The following CPNE8 variants were observed in gnomAD, a reference collection of about 807,000 sequenced individuals.
CPNE8 encodes copine-8.
A neutral mutation model predicts 81.5 loss-of-function variants in CPNE8; 45 were observed. That is an observed-to-expected ratio of 0.55 (90% CI 0.44 to 0.71). The LOEUF is 0.71. Ranked by LOEUF, CPNE8 falls within the 30% of genes least tolerant of loss-of-function variation. The pLI, the probability that CPNE8 is intolerant of heterozygous loss-of-function variation, is 0.00. For missense variants in CPNE8, 594 were observed against 672.1 expected (o/e 0.88, Z 1.28); for synonymous variants, 252 against 226.3 (o/e 1.11, Z -1.02).
intron 8 of CPNE8, among the ~76,000 whole-genome samples, chr12:38,766,910 T>A (rs903065961): frequency 6.6e-6 from 1 of 152,142 alleles, no homozygotes; most frequent in Non-Finnish European, 1.5e-5. Context: ...CTATGATTAC[T>A]ACCCCATTTT....
At chr12:38,808,962 A>C (rs1942879630) in intron 6 of CPNE8, among the ~76,000 whole-genome samples, 1 of 149,954 alleles carries the variant, frequency 6.7e-6, no homozygotes, top group Non-Finnish European at 1.5e-5. Flanking sequence ...ATTGACAAAA[A>C]TTTAAGTCTG....
intron 13 of CPNE8, among the ~76,000 whole-genome samples, chr12:38,710,555 G>A (rs1349859574): frequency 1.3e-5 from 2 of 152,156 alleles, no homozygotes; most frequent in Non-Finnish European, 2.9e-5. Flanking sequence ...AAACTCTCAA[G>A]TACTTGCACA....
At chr12:38,720,066 A>G (rs1455922477) in intron 13 of CPNE8, among the ~76,000 whole-genome samples, 5 of 152,092 alleles carry the variant, frequency 3.3e-5, no homozygotes, top group African/African-American at 1.2e-4. Context: ...GCTCACTGCA[A>G]GCTCCACCTC....
chr12:38,903,902 CATG>C (rs1234611318), intron 1 of CPNE8, among the ~76,000 whole-genome samples: 1 of 152,142 alleles, frequency 6.6e-6, no homozygotes, highest in Non-Finnish European at 1.5e-5. Flanking sequence ...TCATTATCAG[CATG>C]ATTATTTCCA....
chr12:38,897,008 A>G (rs1011511662), intron 1 of CPNE8, among the ~76,000 whole-genome samples: 1 of 152,088 alleles, frequency 6.6e-6, no homozygotes, highest in Non-Finnish European at 1.5e-5. Context: ...ACAACCTTGA[A>G]ATTTTGGTTT....
At chr12:38,756,105 T>G (rs1205341429) in intron 10 of CPNE8, among the ~76,000 whole-genome samples, 2 of 151,604 alleles carry the variant, frequency 1.3e-5, no homozygotes, top group African/African-American at 4.8e-5. Context: ...AGATACCTAA[T>G]TTAATGTCAA....
At chr12:38,767,910 A>T (rs533365315) in intron 7 of CPNE8, among the ~76,000 whole-genome samples, 172 bp from the exon 8 acceptor site, 3 of 152,198 alleles carry the variant, frequency 2.0e-5, no homozygotes, top group African/African-American at 7.2e-5. Flanking sequence ...ATATGACTTT[A>T]AAAATTTTGC....
In CPNE8 at chr12:38,809,676, A is replaced by T. The variant is rs76441009; in HGVS notation, c.407+19703T>A. ...TCACTCCCTGCCCAGGTCCCTGAAG[A>T]TCTCATCACATTATAACACAAATTC... On this transcript the variant is annotated intron_variant, in intron 6 of 19. Coordinates refer to ENST00000331366, the MANE Select transcript of CPNE8 (RefSeq NM_153634.3). Among the ~76,000 whole-genome samples, 24 of 152,264 alleles carry T rather than the reference A, an allele frequency of 1.6e-4. No individual in the cohort carries two copies. In the East Asian group the frequency reaches 4.6e-3, roughly 29 times the overall value.
At chr12:38,700,646 C>T (rs913806080) in intron 14 of CPNE8, among the ~76,000 whole-genome samples, 17 of 152,064 alleles carry the variant, frequency 1.1e-4, no homozygotes, top group Non-Finnish European at 1.2e-4. Context: ...TTTCTTCTAT[C>T]GACAGGGTGT....
intron 13 of CPNE8, among the ~76,000 whole-genome samples, chr12:38,711,154 T>C (rs1940246183): frequency 1.3e-5 from 2 of 152,218 alleles, no homozygotes; most frequent in Non-Finnish European, 2.9e-5. Flanking sequence ...TTTAAAGTTG[T>C]TTTCCTACTA....
rs1278382891 is a variant in CPNE8 at position 38,704,700 on chromosome 12, C to A, written c.915-1779G>T. On this transcript the variant is annotated intron_variant, in intron 13 of 19. Transcript: ENST00000331366. ...GCTGATTGGGAGCTGTGGCCACCGT[C>A]CAGCATCAGAAGAGAGTATCATGCT... Among the ~76,000 whole-genome samples the A allele has an allele frequency of 5.9e-5, 9 of 151,422 alleles. 1 individual carries two copies. The South Asian group carries it at 1.9e-3, about 32-fold the overall frequency.
At chr12:38,808,678 C>T (rs1413111252) in intron 6 of CPNE8, among the ~76,000 whole-genome samples, 1 of 151,134 alleles carries the variant, frequency 6.6e-6, no homozygotes, top group African/African-American at 2.4e-5. Flanking sequence ...GGGTGCAGCA[C>T]ACCAGCATGG....
intron 6 of CPNE8, among the ~76,000 whole-genome samples, chr12:38,792,858 A>T (rs1942358270): frequency 6.6e-6 from 1 of 151,896 alleles, no homozygotes; most frequent in Non-Finnish European, 1.5e-5. Context: ...AACTGAAATC[A>T]ATGGCACACT....
chr12:38,705,082 C>T (rs934366117), intron 13 of CPNE8, among the ~76,000 whole-genome samples: 6 of 151,034 alleles, frequency 4.0e-5, no homozygotes, highest in Admixed American at 4.0e-4. Flanking sequence ...ACTGTAATAA[C>T]CTGGAATCAC....
rs189333870 is a variant in CPNE8 at position 38,697,769 on chromosome 12, T to G, written c.962-3931A>C. On this transcript the variant is annotated intron_variant, in intron 14 of 19. Coordinates refer to ENST00000331366, the MANE Select transcript of CPNE8 (RefSeq NM_153634.3). ...GAAGTTCTCACTCTGTTAGTTCACGTGAGAGGTGGTTGCTAAAAGGAGCAT... is the reference window on the plus strand; with the variant it reads ...GAAGTTCTCACTCTGTTAGTTCACGGGAGAGGTGGTTGCTAAAAGGAGCAT... Among the ~76,000 whole-genome samples the G allele has an allele frequency of 4.6e-3, 705 of 152,194 alleles. 17 individuals carry two copies. Among genetic ancestry groups the G allele is most frequent in the Non-Finnish European group, 1.1e-3 (75 of 68,002 alleles).
intron 14 of CPNE8, among the ~76,000 whole-genome samples, chr12:38,694,125 A>T (rs1472041651): frequency 6.6e-6 from 1 of 152,164 alleles, no homozygotes; most frequent in Non-Finnish European, 1.5e-5. Flanking sequence ...TTCTGGAAGT[A>T]TAAAAGTACT....
chr12:38,874,889 T>G (rs1250929481), intron 1 of CPNE8, among the ~76,000 whole-genome samples: 1 of 152,180 alleles, frequency 6.6e-6, no homozygotes, highest in African/African-American at 2.4e-5. Context: ...AATTGTGAGT[T>G]GTTATTAATG....
chr12:38,783,901 C>A (rs1294583066), intron 6 of CPNE8, among the ~76,000 whole-genome samples: 2 of 152,128 alleles, frequency 1.3e-5, no homozygotes, highest in Non-Finnish European at 2.9e-5. Flanking sequence ...AGAATGGGTA[C>A]CAACAAGCCC....
At position 38,760,451 on chromosome 12, in the gene CPNE8, A is replaced by ATATATATATATATATATATATATATG. The variant is rs749406707; in HGVS notation, c.722+395_722+396insCATATATATATATATATATATATATA. 5.0e-5 allele frequency among the ~76,000 whole-genome samples: 6 copies of ATATATATATATATATATATATATATG among 120,182 alleles called. No homozygotes were observed. In the East Asian group the frequency reaches 6.6e-4, roughly 13 times the overall value. The allele number at this position is 120,182 out of a possible 152,430, so 78.8% of individuals were successfully genotyped here. ...GTATGGTGTGTATATATATATATAT[A>ATATATATATATATATATATATATATG]TGTGTGTGTATATAGGCAGAGTTGG... On this transcript the variant is annotated intron_variant, in intron 10 of 19. Transcript: ENST00000331366.
Sources: allele counts gnomAD v4.1 joint callset (sites outside exome capture counted in the v4.1 genomes callset), GRCh38; gene constraint gnomAD v4.1.1; transcripts MANE v1.5; gene names NCBI Gene and HGNC (gene_info 2026-07-23, HGNC 2026-07-21).